Variants in CASK observed in about 807,000 individuals in gnomAD.
CASK encodes the protein peripheral plasma membrane protein CASK.
A neutral mutation model predicts 82.9 loss-of-function variants in CASK; 4 were observed. The ratio of observed to expected loss-of-function variants is 0.05; its 90% CI spans 0.02 to 0.11. The LOEUF (loss-of-function observed/expected upper bound fraction) is 0.11, where lower values mean the gene tolerates loss of function less well. Among genes scored for constraint, CASK ranks in the 10% least tolerant of loss-of-function variants. The probability of loss-of-function intolerance (pLI) is 1.00; values close to 1 mark genes in which losing one functional copy is unlikely to be tolerated. For missense variants in CASK, 358 were observed against 720.9 expected (o/e 0.50, Z 5.76); for synonymous variants, 259 against 253.5 (o/e 1.02, Z -0.20).
In CASK at chrX:41,794,421, C is replaced by T. The variant is rs756248429; in HGVS notation, c.173-7138G>A. Among the ~76,000 whole-genome samples the T allele has an allele frequency of 7.1e-5, 8 of 112,183 alleles. No individual in the cohort carries two copies. The South Asian group carries it at 1.8e-3, about 26-fold the overall frequency. On this transcript the variant is annotated intron_variant, in intron 2 of 26. Transcript: ENST00000378163. ...ATATGACAAAAATAGAAATACAATGCTCTAAGTTTGTCTAAAAGGTGCAAT... is the reference window on the plus strand; with the variant it reads ...ATATGACAAAAATAGAAATACAATGTTCTAAGTTTGTCTAAAAGGTGCAAT...
At chrX:41,783,845 T>C (rs1569447637) in intron 3 of CASK, among the ~76,000 whole-genome samples, 1 of 112,179 alleles carries the variant, frequency 8.9e-6, no homozygotes, top group East Asian at 2.8e-4. Context: ...TATGACAATC[T>C]TTCAAATAAC....
intron 15 of CASK, among the ~76,000 whole-genome samples, chrX:41,576,413 C>A (rs2065486867): frequency 1.8e-5 from 2 of 111,095 alleles, no homozygotes; most frequent in Non-Finnish European, 3.8e-5. Flanking sequence ...CCTGCTTTGC[C>A]TGGCTGAACA....
chrX:41,516,324 A>G lies in CASK; in HGVS notation c.*4096T>C, dbSNP rs1344909802. ...TTAAGGCAAACTGATGTGTGTGTGC[A>G]CAGGCAAAGCCAATCAAGCCATGAG... On this transcript the variant is annotated 3_prime_UTR_variant, in exon 27 of 27. Coordinates refer to ENST00000378163, the MANE Select transcript of CASK (RefSeq NM_001367721.1). 1 of 112,989 alleles carries G rather than the reference A, an allele frequency of 8.9e-6. No homozygotes were observed. The allele number at this position is 112,989 out of a possible 1,213,427, so 9.3% of individuals were successfully genotyped here.
At chrX:41,894,598 A>G (rs1486661544) in intron 1 of CASK, among the ~76,000 whole-genome samples, 1 of 66,060 alleles carries the variant, frequency 1.5e-5, no homozygotes, top group East Asian at 3.4e-4. Context: ...CCCAAATATT[A>G]AAAAAAAAAA....
intron 2 of CASK, among the ~76,000 whole-genome samples, chrX:41,794,794 T>C (rs1273095547): frequency 2.7e-5 from 3 of 112,569 alleles, no homozygotes; most frequent in East Asian, 2.8e-4. Flanking sequence ...TCAACTAATA[T>C]GTCAAAGAAA....
At position 41,881,728 on chromosome X, in the gene CASK, TTATGAAATGATCATAACAAC is replaced by T. The variant is rs201882109; in HGVS notation, c.60-28521_60-28502del. 9.3e-3 allele frequency among the ~76,000 whole-genome samples: 1,043 copies of T among 111,995 alleles called. 13 individuals carry two copies. The highest frequency in any genetic ancestry group is 0.032 in the African/African-American group (988 of 30,844). On this transcript the variant is annotated intron_variant, in intron 1 of 26. Coordinates refer to ENST00000378163, the MANE Select transcript of CASK (RefSeq NM_001367721.1). ...CAACTTACATTTATAGAAATGATTA[TTATGAAATGATCATAACAAC>T]TATGGCCAAACTAAGAAAGGGAAAT...
chrX:41,636,511 A>G, intron 9 of CASK, 67 bp downstream of exon 9: 4 of 712,887 alleles, frequency 5.6e-6, no homozygotes, highest in East Asian at 3.2e-5. Flanking sequence ...TATGGGCACC[A>G]AAATAGAATA....
intron 14 of CASK, among the ~76,000 whole-genome samples, chrX:41,581,740 GTA>G (rs763246347): frequency 0.026 from 2,737 of 103,614 alleles, 93 homozygotes; most frequent in African/African-American, 0.082. Flanking sequence ...ATTTAATATA[GTA>G]TATATATATA....
chrX:41,713,284 A>G (rs1194613328), intron 5 of CASK, among the ~76,000 whole-genome samples: 1 of 112,103 alleles, frequency 8.9e-6, no homozygotes, highest in Non-Finnish European at 1.9e-5. Flanking sequence ...AGAGTGGAAG[A>G]GCATGTTTGG....
intron 1 of CASK, among the ~76,000 whole-genome samples, chrX:41,912,567 C>T (rs2072595421): frequency 9.2e-6 from 1 of 108,152 alleles, no homozygotes; most frequent in South Asian, 3.9e-4. Flanking sequence ...CTCAGCCTTC[C>T]AACGTGCTGG....
At chrX:41,603,198 T>G (rs2065916064) in intron 12 of CASK, among the ~76,000 whole-genome samples, 1 of 112,418 alleles carries the variant, frequency 8.9e-6, no homozygotes, top group Non-Finnish European at 1.9e-5. Context: ...ATTTCCTGAT[T>G]GGCAATCTCT....
Position 41,672,075 on chromosome X carries a change from T to C in CASK, c.430-545A>G, listed in dbSNP as rs188357353. ...TACTACATGGATGGGTCAGATTTAATGATTTTAATTAAGCCTTGTTCCCAG... is the reference window on the plus strand; with the variant it reads ...TACTACATGGATGGGTCAGATTTAACGATTTTAATTAAGCCTTGTTCCCAG... On this transcript the variant is annotated intron_variant, in intron 5 of 26. Transcript: ENST00000378163. Among the ~76,000 whole-genome samples, 202 of 110,429 alleles carry C rather than the reference T, an allele frequency of 1.8e-3. 2 individuals are homozygous for C. The highest frequency in any genetic ancestry group is 6.4e-3 in the African/African-American group (193 of 30,334).
chrX:41,809,591 G>A (rs920300928), intron 2 of CASK, among the ~76,000 whole-genome samples: 5 of 111,722 alleles, frequency 4.5e-5, no homozygotes, highest in African/African-American at 6.5e-5. Flanking sequence ...CCATCTGTAC[G>A]TCACCATGAT....
At chrX:41,892,858 T>G (rs1447296876) in intron 1 of CASK, among the ~76,000 whole-genome samples, 1 of 111,863 alleles carries the variant, frequency 8.9e-6, no homozygotes, top group Non-Finnish European at 1.9e-5. Flanking sequence ...CAAGAATTAC[T>G]GTGTCAGGCA....
chrX:41,658,409 G>C (rs769375339), intron 8 of CASK, among the ~76,000 whole-genome samples: 49 of 111,762 alleles, frequency 4.4e-4, no homozygotes, highest in African/African-American at 1.6e-3. Flanking sequence ...GCTATCTCCA[G>C]GTAGATAGTG....
chrX:41,615,982 A>G (rs765489880), intron 11 of CASK, among the ~76,000 whole-genome samples: 66 of 111,764 alleles, frequency 5.9e-4, no homozygotes, highest in South Asian at 1.1e-3. Context: ...TATTAATAAT[A>G]TAAGATTAAA....
chrX:41,534,223 G>T (rs1449559571), intron 24 of CASK, among the ~76,000 whole-genome samples: 1 of 111,168 alleles, frequency 9.0e-6, no homozygotes, highest in Non-Finnish European at 1.9e-5. Context: ...TTAAAAAGTG[G>T]TAAGAAATCA....
At chrX:41,622,514 C>T in intron 11 of CASK, 103 bp downstream of exon 11, 1 of 620,359 alleles carries the variant, frequency 1.6e-6, no homozygotes, top group Non-Finnish European at 2.5e-6. Flanking sequence ...TAAACAACTA[C>T]ACACAAACAG....
At chrX:41,883,920 A>G (rs1389380486) in intron 1 of CASK, among the ~76,000 whole-genome samples, 1 of 111,827 alleles carries the variant, frequency 8.9e-6, no homozygotes, top group Non-Finnish European at 1.9e-5. Flanking sequence ...TCTGCTGTCC[A>G]TTTCAGTAAC....
Sources: gnomAD v4.1 joint callset for allele counts (sites outside exome capture counted in the v4.1 genomes callset) on GRCh38, gnomAD v4.1.1 for gene constraint, MANE v1.5 for transcripts, NCBI Gene and HGNC (gene_info 2026-07-23, HGNC 2026-07-21) for gene names.